The following CIITA variants were observed in gnomAD, a reference collection of about 807,000 sequenced individuals.
The protein encoded by CIITA is class II major histocompatibility complex transactivator, also known as MHC class II transactivator.
In CIITA, 72 loss-of-function variants were observed where a neutral mutation model predicts 115.1. That is an observed-to-expected ratio of 0.63 (90% confidence interval 0.52 to 0.76). CIITA has a LOEUF of 0.76. Among genes scored for constraint, CIITA ranks in the 30% least tolerant of loss-of-function variants. The probability of loss-of-function intolerance (pLI) is 0.00; values close to 1 mark genes in which losing one functional copy is unlikely to be tolerated. For synonymous variants in CIITA, 763 were observed against 635.6 expected (o/e 1.20, Z -3.02); for missense variants, 1,617 against 1,463.8 (o/e 1.10, Z -1.71).
Position 10,895,673 on chromosome 16 carries a change from C to A in CIITA, c.204C>A (p.Pro68=). The change falls in exon 3 of 20, where the codon CCC becomes CCA. Residue 68 remains proline (P), a synonymous_variant. Coordinates refer to ENST00000324288, the MANE Select transcript of CIITA (RefSeq NM_000246.4). ...GEEEIELYSE[P]DTDTINCDQF... is the part of the protein sequence containing the mutation. ...CCAAGGGACTTTTCCTCCCAGAACCCGACACAGACACCATCAACTGCGACC... is the reference window on the plus strand; with the variant it reads ...CCAAGGGACTTTTCCTCCCAGAACCAGACACAGACACCATCAACTGCGACC... 1.2e-6 allele frequency: 2 copies of A among 1,614,056 alleles called. No individual in the cohort carries two copies. Among genetic ancestry groups the A allele is most frequent in the South Asian group, 2.2e-5 (2 of 91,062 alleles).
rs112830707 is a variant in CIITA, at chr16:10,868,308, G to A, written c.-21+1989G>A. On this transcript the variant is annotated intron_variant, in intron 1 of 5. Coordinates refer to the CIITA transcript ENST00000636238. Reference sequence around the variant, plus strand: ...CCAGGTCCCCCAGGTGGGAAGCGGTGAAGACTGGATTTGAAGACAGACAAG... The same window carrying A: ...CCAGGTCCCCCAGGTGGGAAGCGGTAAAGACTGGATTTGAAGACAGACAAG... Among the ~76,000 whole-genome samples the A allele has an allele frequency of 1.7e-3, 263 of 150,528 alleles. 4 individuals are homozygous for A. Among genetic ancestry groups the A allele is most frequent in the African/African-American group, 5.7e-3 (229 of 39,860 alleles).
rs112237585 is a variant in CIITA at position 10,915,435 on chromosome 16, G to C, written c.2889-135G>C. 2.5e-3 allele frequency: 1,814 copies of C among 736,082 alleles called. 30 individuals are homozygous for C. The African/African-American group carries it at 0.027, about 11-fold the overall frequency. The allele number at this position is 736,082 out of a possible 1,614,324, so 45.6% of individuals were successfully genotyped here. A position where few individuals can be genotyped will look rare whatever the true frequency, so the allele number is the denominator to read the frequency against. The stretch of plus-strand genomic sequence containing the variant: ...ACGTGGAAGGGTTGCAGGGACCTAA[G>C]AGGCTGGGGTGGAAGGGAAGAGGAG... On this transcript the variant is annotated intron_variant, in intron 13 of 19. Transcript: ENST00000324288.
At position 10,906,977 on chromosome 16, in the gene CIITA, G is replaced by A. The variant is rs778045347; in HGVS notation, c.1485G>A (p.Leu495=). ...TCTTGAAGAGACCTGACCGCGTTCT[G>A]CTCATCCTAGACGGCTTCGAGGAGC... ...SHILKRPDRV[L]LILDGFEELE... is the part of the protein sequence containing the mutation. Residue 495 remains leucine, a synonymous_variant, in exon 11 of 20, where the codon CTG becomes CTA. Coordinates refer to ENST00000324288, the MANE Select transcript of CIITA (RefSeq NM_000246.4). The A allele has an allele frequency of 1.2e-6, 2 of 1,612,064 alleles. No homozygotes were observed. The highest frequency in any genetic ancestry group is 2.2e-5 in the South Asian group (2 of 91,078).
intron 1 of CIITA, among the ~76,000 whole-genome samples, chr16:10,886,417 C>G (rs2036958424): frequency 6.6e-6 from 1 of 152,196 alleles, no homozygotes; most frequent in Non-Finnish European, 1.5e-5. Flanking sequence ...TCTGTCACCA[C>G]AAATAACACA....
At position 10,941,461 on chromosome 16, in the gene CIITA, G is replaced by T. The variant is rs1210918064; in HGVS notation, n.587G>T. ...GCATCCAGTTAGACCTGGAGGAGGT[G>T]AACGGAGGAGAAGCCTGAGGGAGGG... is the stretch of plus-strand genomic sequence containing the variant. On this transcript the variant is annotated non_coding_transcript_exon_variant, in exon 2 of 2. Transcript: ENST00000573379. This position sits in a 1 kb window ranked among gnomAD's most constrained non-coding sequence, Gnocchi z 6.4. 2.6e-6 allele frequency: 3 copies of T among 1,144,044 alleles called. No homozygotes were observed. Among genetic ancestry groups the T allele is most frequent in the African/African-American group, 1.6e-5 (1 of 63,312 alleles). 70.9% of individuals were successfully genotyped at this position (1,144,044 alleles called of 1,614,324 possible).
upstream of CIITA, among the ~76,000 whole-genome samples, chr16:10,874,838 G>A (rs901728629): frequency 6.6e-6 from 1 of 152,148 alleles, no homozygotes; most frequent in Non-Finnish European, 1.5e-5. Flanking sequence ...GGGATGGGGG[G>A]ACATCAGAAC....
intron 12 of CIITA, 67 bp from the exon 13 acceptor site, chr16:10,910,121 G>A (rs1398175963): frequency 6.5e-6 from 9 of 1,393,042 alleles, no homozygotes; most frequent in Non-Finnish European, 9.1e-6. Context: ...CAGCCATCAT[G>A]GGACCCATGG....
chr16:10,881,078 A>T (rs2036377422), intron 1 of CIITA, among the ~76,000 whole-genome samples: 1 of 152,180 alleles, frequency 6.6e-6, no homozygotes, highest in African/African-American at 2.4e-5. Context: ...GTTCAAGACC[A>T]GCCTGGGCAA....
At chr16:10,917,347 ATT>A (rs1045999695) in intron 15 of CIITA, among the ~76,000 whole-genome samples, 12 of 151,986 alleles carry the variant, frequency 7.9e-5, no homozygotes, top group Non-Finnish European at 1.8e-4. Context: ...TAATTTTTGT[ATT>A]TTTTTGTAGA....
At chr16:10,914,384 A>T (rs552424486) in intron 13 of CIITA, among the ~76,000 whole-genome samples, 2 of 152,330 alleles carry the variant, frequency 1.3e-5, no homozygotes, top group East Asian at 3.9e-4. Flanking sequence ...TCAGAGGCCG[A>T]GAACATTTCG....
chr16:10,895,494 ATCAGGGGAAATTCTG>A (rs2038034558), intron 2 of CIITA, 66 bp downstream of exon 2: 2 of 1,604,710 alleles, frequency 1.2e-6, no homozygotes, highest in African/African-American at 2.7e-5. Context: ...AGAGACGGCA[ATCAGGGGAAATTCTG>A]GTCCCTGCCC....
intron 1 of CIITA, among the ~76,000 whole-genome samples, chr16:10,890,768 T>C (rs974547969): frequency 1.3e-5 from 2 of 152,232 alleles, no homozygotes; most frequent in Non-Finnish European, 2.9e-5. Context: ...ATACTCACCA[T>C]GTAGAAGCTG....
Position 10,907,140 on chromosome 16 carries a change from C to CG in CIITA, c.1652dup (p.Arg552ProfsTer14), listed in dbSNP as rs1463398758. Reference sequence around the variant, plus strand: ...CACCCTCCTCCTCACAGCCCGGCCCCGGGGCCGCCTGGTCCAGAGCCTGAG... The same window carrying CG: ...CACCCTCCTCCTCACAGCCCGGCCCCGGGGGCCGCCTGGTCCAGAGCCTGAG... On this transcript the variant is annotated frameshift_variant, in exon 11 of 20. Transcript: ENST00000324288. LOFTEE classifies it high-confidence loss of function. This position sits in a 1 kb window ranked among gnomAD's most constrained non-coding sequence, Gnocchi z 5.0. 1 of 1,612,674 alleles carries CG rather than the reference C, an allele frequency of 6.2e-7. No individual in the cohort carries two copies. Among genetic ancestry groups the CG allele is most frequent in the Non-Finnish European group, 8.5e-7 (1 of 1,179,852 alleles).
chr16:10,907,617 C>G lies in CIITA; in HGVS notation c.2125C>G (p.Pro709Ala). ...GGCCGCAGAGTCCGAGCTGGCCTTCCCCAGCTTCCTCCTGCAATGCTTCCT... is the reference window on the plus strand; with the variant it reads ...GGCCGCAGAGTCCGAGCTGGCCTTCGCCAGCTTCCTCCTGCAATGCTTCCT... ...PRAAESELAF[P>A]SFLLQCFLGA... Residue 709 changes from proline to alanine, a missense_variant, in exon 11 of 20, where the codon CCC (proline) becomes GCC (alanine). Coordinates refer to ENST00000324288, the MANE Select transcript of CIITA (RefSeq NM_000246.4). The surrounding 1 kb of genome is among the most constrained non-coding windows in gnomAD (Gnocchi z 5.0). The G allele has an allele frequency of 6.2e-7, 1 of 1,614,224 alleles. No individual in the cohort carries two copies. The highest frequency in any genetic ancestry group is 1.1e-5 in the South Asian group (1 of 91,084).
chr16:10,918,426 C>A lies in CIITA; in HGVS notation c.3063-14C>A. Reference sequence around the variant, plus strand: ...GTTTGGTCCTGAGCCCTCCCCCTCACTGTGTCCCCGCAGTCTGTCCCAGAA... The same window carrying A: ...GTTTGGTCCTGAGCCCTCCCCCTCAATGTGTCCCCGCAGTCTGTCCCAGAA... On this transcript the variant is annotated splice_polypyrimidine_tract_variant and intron_variant, in intron 15 of 19. Transcript: ENST00000324288. 1 of 1,613,404 alleles carries A rather than the reference C, an allele frequency of 6.2e-7. No individual in the cohort carries two copies. Among genetic ancestry groups the A allele is most frequent in the Non-Finnish European group, 8.5e-7 (1 of 1,179,256 alleles).
In CIITA at chr16:10,921,613, G is replaced by C. The variant is rs1026141659; in HGVS notation, c.3150-554G>C. On this transcript the variant is annotated intron_variant, in intron 16 of 19. Coordinates refer to ENST00000324288, the MANE Select transcript of CIITA (RefSeq NM_000246.4). ...AACTGAGTCTCAGAAGAGTTGAGTA[G>C]CTTGCCCAAGGTCACATAGGCAGTA... 8.5e-5 allele frequency among the ~76,000 whole-genome samples: 13 copies of C among 152,332 alleles called. No homozygotes were observed. The East Asian group carries it at 1.5e-3, about 18-fold the overall frequency.
intron 1 of CIITA, among the ~76,000 whole-genome samples, chr16:10,892,025 A>G (rs1455379814): frequency 1.3e-5 from 2 of 152,172 alleles, no homozygotes; most frequent in Non-Finnish European, 2.9e-5. Flanking sequence ...GGATGCGTGA[A>G]AGAAAATGGG....
Position 10,906,646 on chromosome 16 carries a change from C to T in CIITA, c.1154C>T (p.Pro385Leu), listed in dbSNP as rs778649467. Residue 385 changes from proline (P) to leucine (L), a missense_variant, in exon 11 of 20, where the codon CCG becomes CTG. Transcript: ENST00000324288. ...AGCCTGGAGCGGGAACTGGCCACCC[C>T]GGACTGGGCAGAACGGCAGCTGGCC... Reference protein sequence around the residue: ...SKSLERELATPDWAERQLAQG... With the variant: ...SKSLERELATLDWAERQLAQG... 13 of 1,613,864 alleles carry T rather than the reference C, an allele frequency of 8.1e-6. No individual in the cohort carries two copies. Among genetic ancestry groups the T allele is most frequent in the Admixed American group, 6.7e-5 (4 of 60,018 alleles).
chr16:10,941,067 C>T (rs2041096224), downstream of CIITA: 1 of 152,302 alleles, frequency 6.6e-6, no homozygotes, highest in Admixed American at 6.5e-5. The surrounding 1 kb of genome is among the most constrained non-coding windows in gnomAD (Gnocchi z 6.4). Context: ...CCTCTCACAG[C>T]TTTGGCCTAG....
Sources: allele counts gnomAD v4.1 joint callset (sites outside exome capture counted in the v4.1 genomes callset), GRCh38; gene constraint gnomAD v4.1.1; non-coding constraint Gnocchi (gnomAD v3.1); transcripts MANE v1.5; gene names NCBI Gene and HGNC (gene_info 2026-07-23, HGNC 2026-07-21).